Variants in ZNF804A observed in about 807,000 individuals in gnomAD.
ZNF804A encodes the protein zinc finger protein 804A.
A neutral mutation model predicts 16.5 loss-of-function variants in ZNF804A; 2 were observed. That is an observed-to-expected ratio of 0.12 (90% CI 0.05 to 0.38). The LOEUF (loss-of-function observed/expected upper bound fraction) is 0.38. ZNF804A is among the 10% of genes least tolerant of loss of function. ZNF804A has a pLI of 0.99. For synonymous variants in ZNF804A, 534 were observed against 489.6 expected, an observed-to-expected ratio of 1.09 and a Z score of -1.20; for missense variants, 1,473 against 1,390.7, an observed-to-expected ratio of 1.06 and a Z score of -0.94.
At chr2:184,640,546 C>T (rs556513957) in intron 1 of ZNF804A, among the ~76,000 whole-genome samples, 1 of 152,116 alleles carries the variant, frequency 6.6e-6, no homozygotes, top group African/African-American at 2.4e-5. Context: ...AAAAACATTA[C>T]AGAAAACTAC....
At chr2:184,789,300 T>C (rs1694495861) in intron 1 of ZNF804A, among the ~76,000 whole-genome samples, 1 of 152,252 alleles carries the variant, frequency 6.6e-6, no homozygotes, top group East Asian at 1.9e-4. Flanking sequence ...TTTTCTCTCT[T>C]GGTTGTGTTT....
intron 1 of ZNF804A, among the ~76,000 whole-genome samples, chr2:184,652,256 GATGGCAAC>G (rs1409730412): frequency 6.6e-6 from 1 of 151,944 alleles, no homozygotes; most frequent in African/African-American, 2.4e-5. Flanking sequence ...TGAACATAAA[GATGGCAAC>G]AATAGAAACC....
intron 2 of ZNF804A, among the ~76,000 whole-genome samples, chr2:184,881,079 G>A (rs1204386192): frequency 6.6e-6 from 1 of 151,972 alleles, no homozygotes; most frequent in Non-Finnish European, 1.5e-5. Flanking sequence ...ATCAAAACGA[G>A]CTGATAGAGC....
At chr2:184,738,347 A>G (rs1226683610) in intron 1 of ZNF804A, among the ~76,000 whole-genome samples, 1 of 152,098 alleles carries the variant, frequency 6.6e-6, no homozygotes, top group Non-Finnish European at 1.5e-5. Flanking sequence ...AACAGTTGGG[A>G]AACTTAAAAA....
intron 1 of ZNF804A, among the ~76,000 whole-genome samples, chr2:184,633,493 A>T (rs1691644763): frequency 6.6e-6 from 1 of 152,196 alleles, no homozygotes; most frequent in South Asian, 2.1e-4. Context: ...AAACCAGTAG[A>T]TGTCAGTCTG....
chr2:184,879,299 T>C (rs1684769213), intron 2 of ZNF804A, among the ~76,000 whole-genome samples: 1 of 152,046 alleles, frequency 6.6e-6, no homozygotes, highest in Non-Finnish European at 1.5e-5. Context: ...AGTCTTTAAC[T>C]CACTTAAATT....
intron 1 of ZNF804A, among the ~76,000 whole-genome samples, chr2:184,813,746 A>G (rs1694934081): frequency 6.6e-6 from 1 of 152,020 alleles, no homozygotes; most frequent in Non-Finnish European, 1.5e-5. Context: ...CTACAGGTCT[A>G]TTCTATCTTC....
intron 1 of ZNF804A, among the ~76,000 whole-genome samples, chr2:184,653,877 T>C (rs1306802340): frequency 6.6e-6 from 1 of 152,176 alleles, no homozygotes; most frequent in Non-Finnish European, 1.5e-5. Context: ...ACTTCAAGTG[T>C]TTTATTTTAT....
At chr2:184,751,868 C>A (rs1693882404) in intron 1 of ZNF804A, among the ~76,000 whole-genome samples, 1 of 151,296 alleles carries the variant, frequency 6.6e-6, no homozygotes, top group African/African-American at 2.4e-5. Context: ...CCAACAAACA[C>A]CACAAAAAAA....
At chr2:184,873,221 C>T (rs916775481) in intron 2 of ZNF804A, among the ~76,000 whole-genome samples, 1 of 152,132 alleles carries the variant, frequency 6.6e-6, no homozygotes, top group Non-Finnish European at 1.5e-5. Flanking sequence ...GTATTAAAAG[C>T]ACATGCCTGT....
At chr2:184,615,031 A>G (rs540705203) in intron 1 of ZNF804A, among the ~76,000 whole-genome samples, 1 of 152,358 alleles carries the variant, frequency 6.6e-6, no homozygotes, top group South Asian at 2.1e-4. Flanking sequence ...CAGTCCCATT[A>G]TTGGATATAT....
chr2:184,815,485 T>G (rs1415999538), intron 1 of ZNF804A, among the ~76,000 whole-genome samples: 1 of 151,628 alleles, frequency 6.6e-6, no homozygotes, highest in Non-Finnish European at 1.5e-5. Context: ...TATAATAAAA[T>G]AGTAGTAAAA....
chr2:184,630,613 TA>T (rs1691590048), intron 1 of ZNF804A, among the ~76,000 whole-genome samples: 1 of 152,094 alleles, frequency 6.6e-6, no homozygotes, highest in South Asian at 2.1e-4. Context: ...ATTCTAAGGG[TA>T]AAAAATTCAA....
chr2:184,779,441 C>T (rs1361991654), intron 1 of ZNF804A, among the ~76,000 whole-genome samples: 1 of 151,628 alleles, frequency 6.6e-6, no homozygotes, highest in Non-Finnish European at 1.5e-5. Context: ...AAATCTTAAT[C>T]CCCAGAACCT....
At chr2:184,730,289 C>T (rs1161188027) in intron 1 of ZNF804A, among the ~76,000 whole-genome samples, 1 of 152,036 alleles carries the variant, frequency 6.6e-6, no homozygotes, top group Non-Finnish European at 1.5e-5. Flanking sequence ...CTACACACTC[C>T]TTGTCCCTGT....
intron 1 of ZNF804A, among the ~76,000 whole-genome samples, chr2:184,795,505 C>T (rs1375337458): frequency 1.3e-5 from 2 of 151,736 alleles, no homozygotes; most frequent in Non-Finnish European, 1.5e-5. Context: ...GGTCACACCT[C>T]AAGGAACTAG....
intron 1 of ZNF804A, among the ~76,000 whole-genome samples, chr2:184,697,918 T>C (rs891176506): frequency 1.3e-5 from 2 of 152,094 alleles, no homozygotes; most frequent in Admixed American, 6.5e-5. Context: ...TGATATTCAC[T>C]GGGTGGGTCT....
At chr2:184,689,623 G>C (rs933030595) in intron 1 of ZNF804A, among the ~76,000 whole-genome samples, 6 of 152,040 alleles carry the variant, frequency 3.9e-5, no homozygotes, top group African/African-American at 1.4e-4. Flanking sequence ...AATAGTTAGA[G>C]AAGTATGTAG....
intron 1 of ZNF804A, among the ~76,000 whole-genome samples, chr2:184,747,339 A>AAG (rs1553534867): frequency 1.7e-4 from 26 of 149,422 alleles, no homozygotes; most frequent in African/African-American, 6.4e-4. Context: ...AAAAAAAAAA[A>AAG]AAAGAAATGT....
Sources: gnomAD v4.1 joint callset for allele counts (sites outside exome capture counted in the v4.1 genomes callset) on GRCh38, gnomAD v4.1.1 for gene constraint, MANE v1.5 for transcripts, NCBI Gene and HGNC (gene_info 2026-07-23, HGNC 2026-07-21) for gene names.